The following VRK2 variants were observed in gnomAD, a reference collection of about 807,000 sequenced individuals.
VRK2 encodes serine/threonine-protein kinase VRK2.
VRK2 carries 60 observed loss-of-function variants against 57.6 expected under a neutral mutation model. That is an observed-to-expected ratio of 1.04 (90% confidence interval 0.85 to 1.29). The LOEUF is 1.29. Ranked by LOEUF, VRK2 falls within the 50% of genes most tolerant of loss-of-function variation. VRK2 has a pLI of 0.00. For synonymous variants in VRK2, 231 were observed against 199.2 expected (o/e 1.16, Z -1.35); for missense variants, 705 against 588.1 (o/e 1.20, Z -2.06).
upstream of VRK2, chr2:58,046,651 C>T: frequency 1.0e-6 from 1 of 985,632 alleles, no homozygotes; most frequent in Non-Finnish European, 1.2e-6. Flanking sequence ...CGTGGACAGG[C>T]CGCTGAAAGG....
chr2:58,095,024 G>C (rs922472025), intron 7 of VRK2, among the ~76,000 whole-genome samples: 2 of 152,106 alleles, frequency 1.3e-5, no homozygotes, highest in Non-Finnish European at 2.9e-5. Context: ...TGCTGGGCGC[G>C]GTGGCTCACG....
chr2:58,140,695 G>A (rs1347962369), intron 11 of VRK2, among the ~76,000 whole-genome samples: 1 of 151,930 alleles, frequency 6.6e-6, no homozygotes, highest in East Asian at 1.9e-4. Flanking sequence ...GTGCACAGAT[G>A]GTTCTGATTT....
intron 1 of VRK2, among the ~76,000 whole-genome samples, chr2:58,013,552 A>T (rs996235358): frequency 2.6e-5 from 4 of 152,196 alleles, no homozygotes; most frequent in Non-Finnish European, 5.9e-5. Context: ...AAAAGTTTTT[A>T]AAAAACAGAT....
At chr2:57,987,998 G>A (rs932100559) in intron 1 of VRK2, among the ~76,000 whole-genome samples, 1 of 152,148 alleles carries the variant, frequency 6.6e-6, no homozygotes, top group African/African-American at 2.4e-5. Context: ...AGGGCCTGGG[G>A]TTGGGAGGAA....
chr2:58,071,776 C>T (rs1439898871), intron 2 of VRK2, among the ~76,000 whole-genome samples: 1 of 151,866 alleles, frequency 6.6e-6, no homozygotes, highest in African/African-American at 2.4e-5. Context: ...GATCTTTTGC[C>T]TTTATGTACA....
At chr2:58,148,189 A>G (rs1435466117) in intron 12 of VRK2, among the ~76,000 whole-genome samples, 1 of 151,782 alleles carries the variant, frequency 6.6e-6, no homozygotes, top group Non-Finnish European at 1.5e-5. Flanking sequence ...CCTCCCCAAT[A>G]TTTGGTATTG....
At position 58,146,475 on chromosome 2, in the gene VRK2, G is replaced by T. The variant is rs759249471; in HGVS notation, c.1182+1G>T. 13 of 1,606,308 alleles carry T rather than the reference G, an allele frequency of 8.1e-6. No homozygotes were observed. The South Asian group carries it at 1.0e-4, about 12-fold the overall frequency. On this transcript the variant is annotated splice_donor_variant, in intron 12 of 12. Transcript: ENST00000340157. LOFTEE classifies it high-confidence loss of function. ...ATTGATGAACAATGAAGCAGCTCAGGTGAGAGGGTTGTTTGTGTGTGTTTT... is the reference window on the plus strand; with the variant it reads ...ATTGATGAACAATGAAGCAGCTCAGTTGAGAGGGTTGTTTGTGTGTGTTTT...
chr2:58,152,115 A>T (rs1288819665), intron 12 of VRK2, among the ~76,000 whole-genome samples: 1 of 151,908 alleles, frequency 6.6e-6, no homozygotes, highest in Non-Finnish European at 1.5e-5. Flanking sequence ...ATCTATTTTA[A>T]TAACGTCCTC....
intron 2 of VRK2, among the ~76,000 whole-genome samples, chr2:58,031,348 C>T (rs1262030819): frequency 6.6e-6 from 1 of 151,912 alleles, no homozygotes; most frequent in Admixed American, 6.6e-5. Flanking sequence ...GGCTTTGTTC[C>T]CGTGTCCCCT....
intron 1 of VRK2, among the ~76,000 whole-genome samples, chr2:57,916,957 A>G (rs1450586911): frequency 6.6e-6 from 1 of 152,224 alleles, no homozygotes; most frequent in Non-Finnish European, 1.5e-5. Flanking sequence ...GTAAAGTACT[A>G]TTTTAGAAGC....
At chr2:58,059,378 CCTG>C (rs1395762204) in intron 2 of VRK2, among the ~76,000 whole-genome samples, 1 of 151,788 alleles carries the variant, frequency 6.6e-6, no homozygotes, top group Non-Finnish European at 1.5e-5. Flanking sequence ...TCTAAATAGA[CCTG>C]TTTAAATCTC....
upstream of VRK2, among the ~76,000 whole-genome samples, chr2:58,044,795 G>A (rs1161111307): frequency 6.6e-6 from 1 of 152,204 alleles, no homozygotes; most frequent in Non-Finnish European, 1.5e-5. Context: ...AGAGTAATAG[G>A]ACATTGGGGA....
chr2:58,087,772 A>C lies in VRK2; in HGVS notation c.345-569A>C, dbSNP rs577324340. ...GAGAGGCTAAGGCAGGCGGATCATG[A>C]GGTCAAGAGGTCGAGACCATCCTGG... On this transcript the variant is annotated intron_variant, in intron 5 of 12. Transcript: ENST00000340157. Among the ~76,000 whole-genome samples, 343 of 152,286 alleles carry C rather than the reference A, an allele frequency of 2.3e-3. 4 individuals are homozygous for C. Among genetic ancestry groups the C allele is most frequent in the South Asian group, 0.02 (96 of 4,826 alleles).
intron 1 of VRK2, among the ~76,000 whole-genome samples, chr2:57,969,558 T>C (rs566521652): frequency 2.4e-4 from 37 of 152,192 alleles, no homozygotes; most frequent in Admixed American, 5.9e-4. Context: ...ACATCTTATA[T>C]ACAACTTTTA....
intron 12 of VRK2, among the ~76,000 whole-genome samples, chr2:58,158,812 G>T (rs979029191): frequency 1.3e-5 from 2 of 151,764 alleles, no homozygotes; most frequent in African/African-American, 4.8e-5. Flanking sequence ...ATATCTATTC[G>T]GTCTATACTG....
intron 2 of VRK2, among the ~76,000 whole-genome samples, chr2:58,075,162 G>T (rs1396945940): frequency 6.6e-6 from 1 of 152,014 alleles, no homozygotes; most frequent in African/African-American, 2.4e-5. Context: ...TTCTATTCCT[G>T]TGTTAATTTG....
At chr2:58,086,513 C>A in intron 5 of VRK2, 87 bp downstream of exon 5, 2 of 1,174,342 alleles carry the variant, frequency 1.7e-6, no homozygotes, top group South Asian at 3.2e-5. Flanking sequence ...TAACAAATTA[C>A]CAAAACATAT....
intron 7 of VRK2, among the ~76,000 whole-genome samples, chr2:58,116,212 G>T (rs1409952657): frequency 6.6e-6 from 1 of 152,156 alleles, no homozygotes; most frequent in Non-Finnish European, 1.5e-5. Flanking sequence ...GAGATGGTAA[G>T]GGGTGCGTGA....
In VRK2 at chr2:58,084,921, T is replaced by A. The variant is rs1671408579; in HGVS notation, c.227T>A (p.Phe76Tyr). The A allele has an allele frequency of 3.8e-6, 6 of 1,592,102 alleles. No individual in the cohort carries two copies. The East Asian group carries it at 1.4e-4, about 36-fold the overall frequency. ...ENGPLFSELK[F>Y]YQRVAKKDCI... ...GGCCCGTTATTTTCAGAACTTAAATTTTATCAGAGAGTTGCAAAAAAAGAC... is the reference window on the plus strand; with the variant it reads ...GGCCCGTTATTTTCAGAACTTAAATATTATCAGAGAGTTGCAAAAAAAGAC... The change falls in exon 4 of 13, where the codon TTT becomes TAT. Residue 76 changes from phenylalanine (F) to tyrosine (Y), a missense_variant. Phe to Tyr is a conservative substitution (Grantham distance 22, BLOSUM62 3). Transcript: ENST00000340157.
Sources: gnomAD v4.1 joint callset for allele counts (sites outside exome capture counted in the v4.1 genomes callset) on GRCh38, gnomAD v4.1.1 for gene constraint, MANE v1.5 for transcripts, NCBI Gene and HGNC (gene_info 2026-07-23, HGNC 2026-07-21) for gene names.